The following HAO1 variants were observed in gnomAD, a reference collection of about 807,000 sequenced individuals.
HAO1 encodes the protein 2-Hydroxyacid oxidase 1.
In HAO1, 34 loss-of-function variants were observed where a neutral mutation model predicts 39.7. That is an observed-to-expected ratio of 0.86 (90% confidence interval 0.65 to 1.14). HAO1 has a LOEUF of 1.14. HAO1 is among the 50% of genes most tolerant of loss of function. The probability of loss-of-function intolerance (pLI) is 0.00; values close to 1 mark genes in which losing one functional copy is unlikely to be tolerated. For missense variants in HAO1, 479 were observed against 464.5 expected (o/e 1.03, Z -0.29); for synonymous variants, 172 against 173.2 (o/e 0.99, Z 0.05).
At chr20:7,929,734 C>T (rs560781243) in intron 2 of HAO1, among the ~76,000 whole-genome samples, 2 of 152,138 alleles carry the variant, frequency 1.3e-5, no homozygotes, top group East Asian at 1.9e-4. Context: ...CGTCGCGGTG[C>T]GTGCCTATAG....
intron 2 of HAO1, among the ~76,000 whole-genome samples, chr20:7,915,803 A>G (rs2050304262): frequency 1.3e-5 from 2 of 152,236 alleles, no homozygotes; most frequent in South Asian, 2.1e-4. Flanking sequence ...CATGTATTAC[A>G]TGATATCAAA....
intron 3 of HAO1, among the ~76,000 whole-genome samples, chr20:7,912,898 A>G (rs2050286839): frequency 6.6e-6 from 1 of 152,190 alleles, no homozygotes; most frequent in Non-Finnish European, 1.5e-5. Context: ...GCTAATTCAC[A>G]CATGGCTCAA....
chr20:7,897,396 A>G (rs117222482), intron 4 of HAO1, among the ~76,000 whole-genome samples: 7 of 152,160 alleles, frequency 4.6e-5, no homozygotes, highest in Non-Finnish European at 8.8e-5. Flanking sequence ...TGAAACTCCT[A>G]TCAGTTGGAT....
intron 1 of HAO1, among the ~76,000 whole-genome samples, chr20:7,938,275 G>A (rs991058645): frequency 2.6e-5 from 4 of 152,150 alleles, no homozygotes; most frequent in African/African-American, 4.8e-5. Flanking sequence ...TTCACCTAGC[G>A]AGTCATACAG....
At chr20:7,939,417 A>G (rs2235238) in intron 1 of HAO1, among the ~76,000 whole-genome samples, 1 of 151,830 alleles carries the variant, frequency 6.6e-6, no homozygotes, top group Non-Finnish European at 1.5e-5. Flanking sequence ...TTGTAGACTA[A>G]AGAAGAAATC....
chr20:7,914,143 G>A (rs746066670), intron 3 of HAO1, 21 bp downstream of exon 3: 19 of 1,612,090 alleles, frequency 1.2e-5, no homozygotes, highest in African/African-American at 5.3e-5. Context: ...CTCAGCTCGG[G>A]GCCCACATGA....
At chr20:7,893,189 C>T (rs762242749) in intron 5 of HAO1, among the ~76,000 whole-genome samples, 8 of 152,120 alleles carry the variant, frequency 5.3e-5, no homozygotes, top group African/African-American at 7.2e-5. Context: ...CCACTGAAAC[C>T]GCCTTTGCAA....
In HAO1 at chr20:7,909,382, T is replaced by C. The variant is rs994435156; in HGVS notation, c.546-3053A>G. Among the ~76,000 whole-genome samples, 252 of 62,154 alleles carry C rather than the reference T, an allele frequency of 4.1e-3. 4 individuals carry two copies. The highest frequency in any genetic ancestry group is 0.019 in the African/African-American group (241 of 12,596). The allele number at this position is 62,154 out of a possible 152,430, so 40.8% of individuals were successfully genotyped here. On this transcript the variant is annotated intron_variant, in intron 3 of 7. Transcript: ENST00000378789. ...TGACATATATATATATATATATGTA[T>C]ATATATATATATATATATATATGCT...
intron 1 of HAO1, among the ~76,000 whole-genome samples, chr20:7,936,935 C>A (rs962697104): frequency 7.9e-5 from 12 of 152,146 alleles, no homozygotes; most frequent in Non-Finnish European, 4.4e-5. Flanking sequence ...AAATTTCCCA[C>A]AATCATACAT....
chr20:7,895,602 A>AT (rs1302341454), intron 4 of HAO1, among the ~76,000 whole-genome samples: 1 of 151,962 alleles, frequency 6.6e-6, no homozygotes, highest in Non-Finnish European at 1.5e-5. Context: ...GCCAAAAAAA[A>AT]AAAAAACATA....
chr20:7,899,586 G>A (rs1227492529), intron 4 of HAO1, among the ~76,000 whole-genome samples: 2 of 152,020 alleles, frequency 1.3e-5, no homozygotes, highest in African/African-American at 2.4e-5. Context: ...GGTAGTATTG[G>A]GAATATAGGG....
Position 7,894,043 on chromosome 20 carries a change from T to A in HAO1, c.813+1090A>T, listed in dbSNP as rs930730770. Among the ~76,000 whole-genome samples the A allele has an allele frequency of 2.6e-5, 4 of 152,238 alleles. No homozygotes were observed. In the East Asian group the frequency reaches 5.8e-4, roughly 22 times the overall value. On this transcript the variant is annotated intron_variant, in intron 5 of 7. Transcript: ENST00000378789. ...GGGGCCAGAGCAGAAGCAAAAAATA[T>A]CTGCAACATCATTGCTCCATCTACA...
intron 4 of HAO1, among the ~76,000 whole-genome samples, chr20:7,903,342 C>G (rs187456072): frequency 1.3e-5 from 2 of 148,214 alleles, no homozygotes; most frequent in East Asian, 3.9e-4. Context: ...TAGTTTTCAT[C>G]AAGAAGTTCA....
At chr20:7,928,525 C>T (rs1217134392) in intron 2 of HAO1, among the ~76,000 whole-genome samples, 2 of 145,146 alleles carry the variant, frequency 1.4e-5, no homozygotes, top group Non-Finnish European at 3.0e-5. Flanking sequence ...TCCAGCAGAA[C>T]TATTTAAAGA....
intron 2 of HAO1, among the ~76,000 whole-genome samples, chr20:7,920,083 G>A (rs1407196245): frequency 1.3e-5 from 2 of 152,076 alleles, no homozygotes; most frequent in Non-Finnish European, 2.9e-5. Context: ...CATCAAGGCA[G>A]GGAACTGTAA....
intron 4 of HAO1, among the ~76,000 whole-genome samples, chr20:7,897,731 C>G (rs966129165): frequency 6.6e-6 from 1 of 151,788 alleles, no homozygotes; most frequent in African/African-American, 2.4e-5. Context: ...TTTTAAAATT[C>G]TTTTTCTTGT....
intron 1 of HAO1, among the ~76,000 whole-genome samples, chr20:7,937,410 G>T (rs2050417916): frequency 6.6e-6 from 1 of 151,650 alleles, no homozygotes; most frequent in Non-Finnish European, 1.5e-5. Context: ...ACCTATTGTG[G>T]ATACTAGATA....
At chr20:7,883,989 T>G (rs922410328) in intron 7 of HAO1, among the ~76,000 whole-genome samples, 7 of 152,194 alleles carry the variant, frequency 4.6e-5, no homozygotes, top group Non-Finnish European at 1.0e-4. Context: ...TTCTTCTTGT[T>G]GAGGCTCTGT....
chr20:7,904,543 T>C (rs2050238590), intron 4 of HAO1, among the ~76,000 whole-genome samples: 1 of 152,216 alleles, frequency 6.6e-6, no homozygotes, highest in South Asian at 2.1e-4. Context: ...AACTCAAGCA[T>C]CATCTTTCAT....
Sources: gnomAD v4.1 joint callset for allele counts (sites outside exome capture counted in the v4.1 genomes callset) on GRCh38, gnomAD v4.1.1 for gene constraint, MANE v1.5 for transcripts, NCBI Gene and HGNC (gene_info 2026-07-23, HGNC 2026-07-21) for gene names.